The following SMAD3 variants were observed in gnomAD, a reference collection of about 807,000 sequenced individuals.
SMAD3 encodes SMAD family member 3, also known as MAD homolog 3.
A neutral mutation model predicts 51.8 loss-of-function variants in SMAD3; 12 were observed. That is an observed-to-expected ratio of 0.23 (90% confidence interval 0.15 to 0.38). The LOEUF is 0.38. Among genes scored for constraint, SMAD3 ranks in the 10% least tolerant of loss-of-function variants. The pLI, the probability that SMAD3 is intolerant of heterozygous loss-of-function variation, is 1.00. For synonymous variants in SMAD3, 238 were observed against 227.7 expected (o/e 1.05, Z -0.41); for missense variants, 294 against 565.6 (o/e 0.52, Z 4.87).
At chr15:67,109,928 T>TGG (rs1960974761) in intron 1 of SMAD3, among the ~76,000 whole-genome samples, 1 of 152,118 alleles carries the variant, frequency 6.6e-6, no homozygotes, top group Admixed American at 6.6e-5. Context: ...CATGAAGCCA[T>TGG]AGCTCCCAGG....
chr15:67,102,873 A>G (rs532402753), intron 1 of SMAD3, among the ~76,000 whole-genome samples: 36 of 152,168 alleles, frequency 2.4e-4, no homozygotes, highest in African/African-American at 5.3e-4. Flanking sequence ...CTCCTCTTCA[A>G]TGTGCTTTGT....
At chr15:67,113,589 T>A (rs761135707) in intron 1 of SMAD3, among the ~76,000 whole-genome samples, 13 of 152,200 alleles carry the variant, frequency 8.5e-5, no homozygotes, top group African/African-American at 3.1e-4. Flanking sequence ...GTGAGATTGT[T>A]GGAAGTAGCC....
rs774665276 is a variant in SMAD3, at chr15:67,195,089, C to T, written c.*4553C>T. ...GCAGAGCACCTGTTTAAGCATTGTA[C>T]CCCTATTGTTAAAGATTTGTGTCCT... On this transcript the variant is annotated 3_prime_UTR_variant, in exon 9 of 9. Coordinates refer to ENST00000327367, the MANE Select transcript of SMAD3 (RefSeq NM_005902.4). 7 of 233,300 alleles carry T rather than the reference C, an allele frequency of 3.0e-5. No individual in the cohort carries two copies. The highest frequency in any genetic ancestry group is 5.1e-5 in the Non-Finnish European group (6 of 117,848). The allele number at this position is 233,300 out of a possible 1,614,324, so 14.5% of individuals were successfully genotyped here.
chr15:67,099,154 G>A (rs771307593), intron 1 of SMAD3: 1 of 638,522 alleles, frequency 1.6e-6, no homozygotes, highest in Admixed American at 2.2e-5. Flanking sequence ...AGCCGCTCTT[G>A]TTCACAGTCA....
At chr15:67,159,698 C>T (rs1962376655) in intron 1 of SMAD3, among the ~76,000 whole-genome samples, 1 of 152,068 alleles carries the variant, frequency 6.6e-6, no homozygotes, top group South Asian at 2.1e-4. Flanking sequence ...TGTCCCCAGG[C>T]AATGACTGAT....
chr15:67,160,305 G>A (rs1030062686), intron 1 of SMAD3, among the ~76,000 whole-genome samples: 2 of 152,158 alleles, frequency 1.3e-5, no homozygotes, highest in African/African-American at 4.8e-5. Context: ...CCAATACATG[G>A]CATGATCAGG....
chr15:67,162,125 C>T (rs1962447879), intron 1 of SMAD3, among the ~76,000 whole-genome samples: 1 of 152,186 alleles, frequency 6.6e-6, no homozygotes, highest in Non-Finnish European at 1.5e-5. Context: ...GTCCTTTCCC[C>T]TTCCCAGGCC....
intron 1 of SMAD3, among the ~76,000 whole-genome samples, chr15:67,086,884 A>G (rs12911469): frequency 0.44 from 65,500 of 149,540 alleles, 15,026 homozygotes; most frequent in South Asian, 0.66. Flanking sequence ...ATCACATTGC[A>G]TATCTTCTCC....
Position 67,172,175 on chromosome 15 carries a change from G to T in SMAD3, c.658+1571G>T, listed in dbSNP as rs72475946. Among the ~76,000 whole-genome samples the T allele has an allele frequency of 7.0e-4, 106 of 152,322 alleles. 2 individuals carry two copies. In the East Asian group the frequency reaches 0.012, roughly 17 times the overall value. ...GGATGTTTCTTGAGCTCTGACCCAA[G>T]GCAGCATCCTCTGTTGACATAATTC... On this transcript the variant is annotated intron_variant, in intron 5 of 8. Coordinates refer to ENST00000327367, the MANE Select transcript of SMAD3 (RefSeq NM_005902.4).
At chr15:67,084,465 G>C (rs1354778521) in intron 1 of SMAD3, among the ~76,000 whole-genome samples, 1 of 152,006 alleles carries the variant, frequency 6.6e-6, no homozygotes, top group Admixed American at 6.6e-5. Context: ...TTTTCCTGGG[G>C]GACAAATCTA....
At chr15:67,139,015 T>A (rs555946147) in intron 1 of SMAD3, among the ~76,000 whole-genome samples, 1 of 152,348 alleles carries the variant, frequency 6.6e-6, no homozygotes, top group East Asian at 1.9e-4. Context: ...TTTGAGAGAC[T>A]GAAGTGTCGG....
intron 1 of SMAD3, among the ~76,000 whole-genome samples, chr15:67,139,056 A>G (rs1961747236): frequency 6.6e-6 from 1 of 152,188 alleles, no homozygotes; most frequent in South Asian, 2.1e-4. Context: ...TGTGCCTTAT[A>G]TTAGCTCTCC....
At chr15:67,127,960 C>G (rs1961432603) in intron 1 of SMAD3, 2 of 152,218 alleles carry the variant, frequency 1.3e-5, no homozygotes, top group Admixed American at 1.3e-4. Flanking sequence ...GAAAAAATAT[C>G]TTATCAGGCC....
At chr15:67,109,256 A>T (rs1438988580) in intron 1 of SMAD3, among the ~76,000 whole-genome samples, 1 of 152,238 alleles carries the variant, frequency 6.6e-6, no homozygotes, top group Non-Finnish European at 1.5e-5. Context: ...TTTGTGTGGA[A>T]TGCTTGCCAT....
chr15:67,133,953 C>G (rs1961590153), intron 1 of SMAD3, among the ~76,000 whole-genome samples: 1 of 152,078 alleles, frequency 6.6e-6, no homozygotes, highest in Non-Finnish European at 1.5e-5. Context: ...GCCACTGCCC[C>G]CCTCTCTCCT....
intron 1 of SMAD3, among the ~76,000 whole-genome samples, chr15:67,094,053 A>G (rs1456651532): frequency 1.3e-5 from 2 of 152,234 alleles, no homozygotes; most frequent in African/African-American, 4.8e-5. Flanking sequence ...GGTGCTTCCC[A>G]GGCCCACACT....
intron 6 of SMAD3, among the ~76,000 whole-genome samples, chr15:67,184,398 C>T (rs942090258): frequency 5.3e-5 from 8 of 152,172 alleles, no homozygotes; most frequent in Non-Finnish European, 7.3e-5. Flanking sequence ...TGAGCCACCG[C>T]GCCTGGCCCC....
At chr15:67,152,366 GA>G (rs11316595) in intron 1 of SMAD3, among the ~76,000 whole-genome samples, 123,336 of 152,168 alleles carry the variant, frequency 0.81, 49,971 homozygotes, top group African/African-American at 0.83. Context: ...TGGAAACAGA[GA>G]AGACTCTAAG....
At chr15:67,168,176 A>C (rs1595945013) in intron 4 of SMAD3, among the ~76,000 whole-genome samples, 1 of 152,186 alleles carries the variant, frequency 6.6e-6, no homozygotes, top group African/African-American at 2.4e-5. Flanking sequence ...GCTGGTCTCA[A>C]ACTCCTGACC....
Sources: gnomAD v4.1 joint callset for allele counts (sites outside exome capture counted in the v4.1 genomes callset) on GRCh38, gnomAD v4.1.1 for gene constraint, MANE v1.5 for transcripts, NCBI Gene and HGNC (gene_info 2026-07-23, HGNC 2026-07-21) for gene names.